Variants in DSN1 observed in about 807,000 individuals in gnomAD.
DSN1 encodes kinetochore-associated protein DSN1 homolog.
Under a neutral mutation model 45.7 loss-of-function variants are expected in DSN1, and 31 were observed. The ratio of observed to expected loss-of-function variants is 0.68; its 90% CI spans 0.51 to 0.92. The LOEUF is 0.92. Among genes scored for constraint, DSN1 ranks in the 40% least tolerant of loss-of-function variants. DSN1 has a pLI of 0.00. For synonymous variants in DSN1, 134 were observed against 142.3 expected (o/e 0.94, Z 0.41); for missense variants, 394 against 414.2 (o/e 0.95, Z 0.42).
Position 36,752,669 on chromosome 20 carries a change from A to T in DSN1, c.*119T>A, listed in dbSNP as rs1986436604. The T allele has an allele frequency of 3.9e-6, 3 of 761,364 alleles. No individual in the cohort carries two copies. The highest frequency in any genetic ancestry group is 6.8e-6 in the Non-Finnish European group (3 of 443,132). 47.2% of individuals were successfully genotyped at this position (761,364 alleles called of 1,614,324 possible). A position where few individuals can be genotyped will look rare whatever the true frequency, so the allele number is the denominator to read the frequency against. On this transcript the variant is annotated 3_prime_UTR_variant, in exon 11 of 11. Coordinates refer to ENST00000373750, the MANE Select transcript of DSN1 (RefSeq NM_001145315.2). ...TTTGAAAAAAGTCAAAGTGTTCTAC[A>T]GTCAGTCCTGCCAGTTATCTTCAAA...
chr20:36,766,663 G>T lies in DSN1; in HGVS notation c.502+106C>A. On this transcript the variant is annotated intron_variant, in intron 5 of 10. Transcript: ENST00000373750. Reference sequence around the variant, plus strand: ...GTGAGACTCTGTCTAAAAAACAAAAGGTGGGGGAGCTAGTTTTATAAGGGA... The same window carrying T: ...GTGAGACTCTGTCTAAAAAACAAAATGTGGGGGAGCTAGTTTTATAAGGGA... 3.0e-6 allele frequency: 3 copies of T among 985,754 alleles called. No homozygotes were observed. The South Asian group carries it at 4.2e-5, about 14-fold the overall frequency. 61.1% of individuals were successfully genotyped at this position (985,754 alleles called of 1,614,324 possible).
Position 36,751,836 on chromosome 20 carries a change from T to C in DSN1, c.*952A>G, listed in dbSNP as rs1986397804. 6.6e-6 allele frequency: 1 copy of C among 152,130 alleles called. No individual in the cohort carries two copies. Among genetic ancestry groups the C allele is most frequent in the South Asian group, 2.1e-4 (1 of 4,828 alleles). 9.4% of individuals were successfully genotyped at this position (152,130 alleles called of 1,614,324 possible). A position where few individuals can be genotyped will look rare whatever the true frequency, so the allele number is the denominator to read the frequency against. On this transcript the variant is annotated 3_prime_UTR_variant, in exon 11 of 11. Coordinates refer to ENST00000373750, the MANE Select transcript of DSN1 (RefSeq NM_001145315.2). ...CTTTTAATTATGTGCAATTTTATAA[T>C]ACAGATTATAAACAAATAGAACAAT...
chr20:36,764,479 A>C (rs1227473159), intron 5 of DSN1, among the ~76,000 whole-genome samples: 1 of 152,210 alleles, frequency 6.6e-6, no homozygotes, highest in African/African-American at 2.4e-5. Flanking sequence ...GACCCTGGAT[A>C]AGTGTATATT....
chr20:36,770,690 C>G (rs561351321), intron 3 of DSN1, among the ~76,000 whole-genome samples, 183 bp downstream of exon 3: 1 of 152,152 alleles, frequency 6.6e-6, no homozygotes, highest in Non-Finnish European at 1.5e-5. Flanking sequence ...AACATCCTGT[C>G]TCTTAAAAAG....
intron 10 of DSN1, 94 bp downstream of exon 10, chr20:36,754,669 C>T (rs1986573031): frequency 4.1e-6 from 4 of 979,660 alleles, no homozygotes; most frequent in Non-Finnish European, 6.3e-6. Flanking sequence ...TAGGTCTTAC[C>T]CTCTTGGACC....
chr20:36,769,514 A>G (rs1027577982), intron 3 of DSN1, among the ~76,000 whole-genome samples: 2 of 152,212 alleles, frequency 1.3e-5, no homozygotes, highest in Non-Finnish European at 2.9e-5. Context: ...ACTAAAGTAC[A>G]TGGGCCTTGT....
intron 3 of DSN1, among the ~76,000 whole-genome samples, chr20:36,768,680 T>A (rs1423150343): frequency 6.6e-6 from 1 of 152,192 alleles, no homozygotes; most frequent in East Asian, 1.9e-4. Flanking sequence ...CCTGGCCACA[T>A]CTGAGCTTTT....
chr20:36,769,739 T>C (rs1435596716), intron 3 of DSN1, among the ~76,000 whole-genome samples: 1 of 152,098 alleles, frequency 6.6e-6, no homozygotes, highest in East Asian at 1.9e-4. Flanking sequence ...TTAAGTAATT[T>C]ACTCAACATC....
intron 7 of DSN1, 87 bp from the exon 8 acceptor site, chr20:36,758,248 A>G (rs1986781492): frequency 1.6e-6 from 2 of 1,262,978 alleles, no homozygotes; most frequent in African/African-American, 1.5e-5. Flanking sequence ...TGAGGTGTAC[A>G]ATCTGGATGT....
At chr20:36,767,811 A>T (rs1245862363) in intron 4 of DSN1, among the ~76,000 whole-genome samples, 158 bp downstream of exon 4, 1 of 152,122 alleles carries the variant, frequency 6.6e-6, no homozygotes, top group East Asian at 1.9e-4. Flanking sequence ...CTGAGGCAGG[A>T]GAATCACTTG....
intron 1 of DSN1, chr20:36,773,457 G>A: frequency 1.0e-6 from 1 of 985,592 alleles, no homozygotes; most frequent in African/African-American, 1.7e-5. Context: ...CGGTAAGGGG[G>A]ACTGCCCTCG....
At chr20:36,766,682 T>C in intron 5 of DSN1, 87 bp downstream of exon 5, 2 of 1,183,196 alleles carry the variant, frequency 1.7e-6, no homozygotes, top group Non-Finnish European at 2.5e-6. Context: ...GCTAGTTTTA[T>C]AAGGGAGCAG....
chr20:36,769,942 G>C (rs113083340), intron 3 of DSN1, among the ~76,000 whole-genome samples: 4,515 of 98,500 alleles, frequency 0.046, 273 homozygotes, highest in African/African-American at 0.15. Flanking sequence ...CACACACACA[G>C]AGAGAGAGAG....
chr20:36,770,857 G>T lies in DSN1; in HGVS notation c.355+16C>A, dbSNP rs976389390. 6.3e-7 allele frequency: 1 copy of T among 1,597,548 alleles called. No homozygotes were observed. The highest frequency in any genetic ancestry group is 8.5e-7 in the Non-Finnish European group (1 of 1,174,110). On this transcript the variant is annotated intron_variant, in intron 3 of 10. Coordinates refer to ENST00000373750, the MANE Select transcript of DSN1 (RefSeq NM_001145315.2). Reference sequence around the variant, plus strand: ...CTGAGCTGGAACCTCACTGTCTTGTGTACACAGCACCCCACCTGTGATGCC... The same window carrying T: ...CTGAGCTGGAACCTCACTGTCTTGTTTACACAGCACCCCACCTGTGATGCC...
chr20:36,758,859 G>A (rs1487251669), intron 6 of DSN1, among the ~76,000 whole-genome samples: 1 of 151,722 alleles, frequency 6.6e-6, no homozygotes, highest in African/African-American at 2.4e-5. Context: ...GGCTAATTTT[G>A]TATTTTCAGT....
At chr20:36,758,434 C>A in intron 7 of DSN1, 124 bp downstream of exon 7, 2 of 818,412 alleles carry the variant, frequency 2.4e-6, no homozygotes, top group South Asian at 3.6e-5. Context: ...AGCCTTCTAA[C>A]TTCTAGTATT....
In DSN1 at chr20:36,767,963, C is replaced by T; in HGVS notation, c.429+6G>A. 1 of 1,613,828 alleles carries T rather than the reference C, an allele frequency of 6.2e-7. No homozygotes were observed. On this transcript the variant is annotated splice_donor_region_variant and intron_variant, in intron 4 of 10. Transcript: ENST00000373750. ...CAAAAACATTTCCTAGTTATAAGAA[C>T]CTTACCTGGAAACTGGAAAGCAGGA...
intron 9 of DSN1, among the ~76,000 whole-genome samples, chr20:36,755,400 T>C (rs1164695904): frequency 1.3e-5 from 2 of 152,098 alleles, no homozygotes; most frequent in Non-Finnish European, 2.9e-5. Flanking sequence ...TTCAAGTCTG[T>C]TGAAATGGCA....
chr20:36,770,747 T>C (rs751877275), intron 3 of DSN1, 126 bp downstream of exon 3: 26 of 1,067,872 alleles, frequency 2.4e-5, no homozygotes, highest in Non-Finnish European at 3.4e-5. Context: ...ACATCAGTAC[T>C]TATAAAGTAG....
Sources: gnomAD v4.1 joint callset for allele counts (sites outside exome capture counted in the v4.1 genomes callset) on GRCh38, gnomAD v4.1.1 for gene constraint, MANE v1.5 for transcripts, NCBI Gene and HGNC (gene_info 2026-07-23, HGNC 2026-07-21) for gene names.